Variants in PCDHGB3 observed in about 807,000 individuals in gnomAD.
The protein encoded by PCDHGB3 is protocadherin gamma subfamily B, 3.
A neutral mutation model predicts 59.2 loss-of-function variants in PCDHGB3; 40 were observed. The observed-to-expected ratio is 0.68, with a 90% CI of 0.52 to 0.88. The LOEUF (loss-of-function observed/expected upper bound fraction) is 0.88. Among genes scored for constraint, PCDHGB3 ranks in the 40% least tolerant of loss-of-function variants. The probability of loss-of-function intolerance (pLI) is 0.00; values close to 1 mark genes in which losing one functional copy is unlikely to be tolerated. For synonymous variants in PCDHGB3, 581 were observed against 503.6 expected (o/e 1.15, Z -2.06); for missense variants, 1,309 against 1,187.9 (o/e 1.10, Z -1.50).
intron 1 of PCDHGB3, chr5:141,475,916 G>C (rs1396506642): frequency 1.7e-6 from 1 of 595,408 alleles, no homozygotes; most frequent in Non-Finnish European, 2.9e-6. Flanking sequence ...CAATGAAGAC[G>C]CTGGAGATCG....
intron 1 of PCDHGB3, among the ~76,000 whole-genome samples, chr5:141,453,996 C>T (rs2098779349): frequency 6.6e-6 from 1 of 152,128 alleles, no homozygotes; most frequent in Admixed American, 6.6e-5. Context: ...GTGATAAACC[C>T]ACATAACATT....
chr5:141,415,264 C>T, intron 1 of PCDHGB3: 3 of 1,614,210 alleles, frequency 1.9e-6, no homozygotes, highest in South Asian at 1.1e-5. Flanking sequence ...CACTCTGTAC[C>T]TGGTGGTAGC....
chr5:141,456,783 C>G (rs1400541298), intron 1 of PCDHGB3, among the ~76,000 whole-genome samples: 3 of 151,802 alleles, frequency 2.0e-5, no homozygotes, highest in African/African-American at 4.8e-5. Flanking sequence ...GCCTACATGG[C>G]AAAACCCCAT....
chr5:141,432,049 G>T lies in PCDHGB3; in HGVS notation c.2415+59240G>T. The T allele has an allele frequency of 7.4e-6, 12 of 1,614,150 alleles. No individual in the cohort carries two copies. Among genetic ancestry groups the T allele is most frequent in the Non-Finnish European group, 1.0e-5 (12 of 1,180,028 alleles). Reference sequence around the variant, plus strand: ...TGACCGCCACTGACCGGGGAACCCCGCCCCTATCCACGGAAACTCATATCT... The same window carrying T: ...TGACCGCCACTGACCGGGGAACCCCTCCCCTATCCACGGAAACTCATATCT... On this transcript the variant is annotated intron_variant, in intron 1 of 3. Coordinates refer to ENST00000576222, the MANE Select transcript of PCDHGB3 (RefSeq NM_018924.5). The surrounding 1 kb of genome is among the most constrained non-coding windows in gnomAD (Gnocchi z 6.0).
At chr5:141,404,232 G>GTCCAC (rs2094500642) in intron 1 of PCDHGB3, 1 of 1,613,696 alleles carries the variant, frequency 6.2e-7, no homozygotes, top group African/African-American at 1.3e-5. Flanking sequence ...GCAACAGACA[G>GTCCAC]AGGAACTCCG....
intron 1 of PCDHGB3, chr5:141,398,587 C>G: frequency 6.2e-7 from 1 of 1,613,860 alleles, no homozygotes; most frequent in Non-Finnish European, 8.5e-7. Context: ...AAGATTTATA[C>G]TAGAAGTAGC....
intron 1 of PCDHGB3, among the ~76,000 whole-genome samples, chr5:141,436,374 G>C (rs2154557079): frequency 6.6e-6 from 1 of 152,248 alleles, no homozygotes; most frequent in East Asian, 1.9e-4. Context: ...TCCAGTTTAA[G>C]CTGAATAGGC....
chr5:141,374,365 G>C, intron 1 of PCDHGB3: 1 of 1,614,054 alleles, frequency 6.2e-7, no homozygotes, highest in Non-Finnish European at 8.5e-7. Flanking sequence ...ACCGCGAGGA[G>C]CTCTGTGCTC....
At chr5:141,429,924 A>T (rs2097252885) in intron 1 of PCDHGB3, among the ~76,000 whole-genome samples, 1 of 152,210 alleles carries the variant, frequency 6.6e-6, no homozygotes, top group Admixed American at 6.5e-5. Context: ...GTATTAATAG[A>T]ATTCTGGAGT....
intron 1 of PCDHGB3, chr5:141,384,729 G>C: frequency 6.2e-7 from 1 of 1,614,122 alleles, no homozygotes; most frequent in Middle Eastern, 1.7e-4. Flanking sequence ...TCCTGCTTAA[G>C]GCCAGCGAGC....
rs2099624499 is a variant in PCDHGB3, at chr5:141,486,100, C to A, written c.2416-8707C>A. The A allele has an allele frequency of 6.2e-7, 1 of 1,614,072 alleles. No homozygotes were observed. The highest frequency in any genetic ancestry group is 1.3e-5 in the African/African-American group (1 of 74,930). ...AGCTTACTCTTTTGGGGCCCCTAGA[C>A]TTTGAGAGTGAGAATTACTATGAAT... On this transcript the variant is annotated intron_variant, in intron 1 of 3. Coordinates refer to ENST00000576222, the MANE Select transcript of PCDHGB3 (RefSeq NM_018924.5). This position sits in a 1 kb window ranked among gnomAD's most constrained non-coding sequence, Gnocchi z 5.0.
At position 141,485,480 on chromosome 5, in the gene PCDHGB3, A is replaced by G. The variant is rs535194185; in HGVS notation, c.2416-9327A>G. On this transcript the variant is annotated intron_variant, in intron 1 of 3. Transcript: ENST00000576222. The surrounding 1 kb of genome is among the most constrained non-coding windows in gnomAD (Gnocchi z 5.7). Reference sequence around the variant, plus strand: ...ACTGTGTGGGCTCAGTGCCAGCTGCATCGTGCCCCTGGAGTTTGTCACCGA... The same window carrying G: ...ACTGTGTGGGCTCAGTGCCAGCTGCGTCGTGCCCCTGGAGTTTGTCACCGA... The G allele has an allele frequency of 2.5e-6, 4 of 1,614,154 alleles. No individual in the cohort carries two copies. The South Asian group carries it at 3.3e-5, about 13-fold the overall frequency.
intron 1 of PCDHGB3, chr5:141,411,426 A>T (rs115154023): frequency 6.6e-6 from 1 of 151,648 alleles, no homozygotes; most frequent in Non-Finnish European, 1.5e-5. Flanking sequence ...ACAACAACAA[A>T]AAAAAACATT....
At chr5:141,505,552 T>C (rs920594597) in intron 3 of PCDHGB3, 71 bp downstream of exon 3, 8 of 1,608,230 alleles carry the variant, frequency 5.0e-6, no homozygotes, top group Non-Finnish European at 6.8e-6. Context: ...ACAGCCACCA[T>C]GCCCACGGAC....
chr5:141,371,971 G>C lies in PCDHGB3; in HGVS notation c.1577G>C (p.Arg526Pro). 1 of 1,612,438 alleles carries C rather than the reference G, an allele frequency of 6.2e-7. No homozygotes were observed. Among genetic ancestry groups the C allele is most frequent in the Non-Finnish European group, 8.5e-7 (1 of 1,179,672 alleles). Residue 526 changes from arginine (R) to proline (P), a missense_variant, in exon 1 of 4, where the codon CGT becomes CCT. Arg to Pro is a moderately radical substitution (Grantham distance 103). Coordinates refer to ENST00000576222, the MANE Select transcript of PCDHGB3 (RefSeq NM_018924.5). ...CGAGCCTTCGACCACGAGCAGCTGCGTGCCTTCGAGCTCACTCTGCAGGCC... is the reference window on the plus strand; with the variant it reads ...CGAGCCTTCGACCACGAGCAGCTGCCTGCCTTCGAGCTCACTCTGCAGGCC... Reference protein sequence around the residue: ...AQRAFDHEQLRAFELTLQARD... With the variant: ...AQRAFDHEQLPAFELTLQARD...
In PCDHGB3 at chr5:141,491,770, G is replaced by A; in HGVS notation, c.2416-3037G>A. 6.4e-7 allele frequency: 1 copy of A among 1,560,888 alleles called. No individual in the cohort carries two copies. Among genetic ancestry groups the A allele is most frequent in the Non-Finnish European group, 8.7e-7 (1 of 1,154,942 alleles). On this transcript the variant is annotated intron_variant, in intron 1 of 3. Coordinates refer to ENST00000576222, the MANE Select transcript of PCDHGB3 (RefSeq NM_018924.5). This position sits in a 1 kb window ranked among gnomAD's most constrained non-coding sequence, Gnocchi z 6.9. ...TGGAGAAGCCGCCCGTCCTCATAAG[G>A]GATTGAACTTGCATCCACTCCTCTC...
At chr5:141,408,929 A>G in intron 1 of PCDHGB3, 1 of 1,613,518 alleles carries the variant, frequency 6.2e-7, no homozygotes, top group Non-Finnish European at 8.5e-7. Context: ...CCCGGTTTTC[A>G]GCAGAGACGA....
At chr5:141,495,719 C>T (rs929450759) in intron 2 of PCDHGB3, among the ~76,000 whole-genome samples, 12 of 152,150 alleles carry the variant, frequency 7.9e-5, no homozygotes, top group African/African-American at 2.4e-5. Context: ...AGTAACTACA[C>T]GGGACCCTTA....
At chr5:141,439,668 A>C (rs944454917) in intron 1 of PCDHGB3, among the ~76,000 whole-genome samples, 1 of 152,230 alleles carries the variant, frequency 6.6e-6, no homozygotes, top group Non-Finnish European at 1.5e-5. Context: ...CATGGAATGC[A>C]AATCCAAGAG....
Sources: gnomAD v4.1 joint callset for allele counts (sites outside exome capture counted in the v4.1 genomes callset) on GRCh38, gnomAD v4.1.1 for gene constraint, Gnocchi (gnomAD v3.1) non-coding constraint, MANE v1.5 for transcripts, NCBI Gene and HGNC (gene_info 2026-07-23, HGNC 2026-07-21) for gene names.